The following RARB variants were observed in gnomAD, a reference collection of about 807,000 sequenced individuals.
RARB encodes the protein HBV-activated protein.
RARB carries 17 observed loss-of-function variants against 51.9 expected under a neutral mutation model. The ratio of observed to expected loss-of-function variants is 0.33; its 90% CI spans 0.22 to 0.49. RARB has a LOEUF of 0.49. RARB is among the 20% of genes least tolerant of loss of function. RARB has a pLI of 0.99. For missense variants in RARB, 369 were observed against 550.8 expected, an observed-to-expected ratio of 0.67 and a Z score of 3.30; for synonymous variants, 215 against 195.4, an observed-to-expected ratio of 1.10 and a Z score of -0.84.
At chr3:25,451,122 C>G (rs899087774) in intron 1 of RARB, among the ~76,000 whole-genome samples, 7 of 151,986 alleles carry the variant, frequency 4.6e-5, no homozygotes, top group Non-Finnish European at 8.8e-5. Context: ...AAAAACCCTG[C>G]CCTAGATTAA....
At chr3:25,546,829 C>A (rs1699638856) in intron 3 of RARB, among the ~76,000 whole-genome samples, 1 of 152,134 alleles carries the variant, frequency 6.6e-6, no homozygotes, top group Admixed American at 6.5e-5. Context: ...TCGGCATACA[C>A]ACACATATTT....
At chr3:25,212,206 G>C (rs1701715511) in intron 5 of RARB, among the ~76,000 whole-genome samples, 1 of 152,084 alleles carries the variant, frequency 6.6e-6, no homozygotes, top group African/African-American at 2.4e-5. Context: ...AAACTGAAAG[G>C]AAAATGAAAA....
intron 5 of RARB, among the ~76,000 whole-genome samples, chr3:25,228,475 C>T (rs1702106578): frequency 1.3e-5 from 2 of 151,820 alleles, no homozygotes; most frequent in African/African-American, 4.8e-5. Flanking sequence ...TGCCTTTTAT[C>T]TCTTTAATTA....
chr3:25,350,257 C>G (rs1260887478), intron 5 of RARB, among the ~76,000 whole-genome samples: 1 of 152,144 alleles, frequency 6.6e-6, no homozygotes, highest in African/African-American at 2.4e-5. Context: ...ACCAAAGCAA[C>G]CGCCTACTGA....
At chr3:25,292,591 T>C (rs907542575) in intron 5 of RARB, among the ~76,000 whole-genome samples, 2 of 152,210 alleles carry the variant, frequency 1.3e-5, no homozygotes, top group Non-Finnish European at 2.9e-5. Context: ...TCTATGTAGC[T>C]TCATATCCCT....
At chr3:25,595,194 A>G (rs748440446) in intron 7 of RARB, among the ~76,000 whole-genome samples, 7 of 152,232 alleles carry the variant, frequency 4.6e-5, no homozygotes, top group Non-Finnish European at 1.0e-4. Context: ...AACTCAAGCA[A>G]TTAATAGAGG....
chr3:25,141,773 C>A (rs1338596152), intron 4 of RARB, among the ~76,000 whole-genome samples: 1 of 152,104 alleles, frequency 6.6e-6, no homozygotes, highest in East Asian at 1.9e-4. Flanking sequence ...AAGTATAAAT[C>A]AGTTTGGTAA....
At chr3:24,977,947 A>C (rs567761015) in intron 2 of RARB, among the ~76,000 whole-genome samples, 33 of 152,282 alleles carry the variant, frequency 2.2e-4, no homozygotes, top group African/African-American at 7.9e-4. Context: ...TAGTTTATTG[A>C]GAATTTTTAG....
At chr3:24,979,727 A>T (rs1159968860) in intron 2 of RARB, among the ~76,000 whole-genome samples, 1 of 151,914 alleles carries the variant, frequency 6.6e-6, no homozygotes, top group East Asian at 1.9e-4. Context: ...CTCTTTATCC[A>T]GTTTGCCAGC....
intron 5 of RARB, among the ~76,000 whole-genome samples, chr3:25,353,219 A>G (rs1163484664): frequency 1.3e-5 from 2 of 152,146 alleles, no homozygotes; most frequent in Non-Finnish European, 2.9e-5. Context: ...AGTGGTGATT[A>G]AGTTGATGGC....
chr3:25,328,294 C>A (rs1005912694), intron 5 of RARB, among the ~76,000 whole-genome samples: 12 of 152,198 alleles, frequency 7.9e-5, no homozygotes, highest in Non-Finnish European at 1.5e-4. Flanking sequence ...CTGAGACGGG[C>A]GGATCACCTC....
chr3:25,096,043 G>C (rs1420719564), intron 3 of RARB, among the ~76,000 whole-genome samples: 4 of 152,124 alleles, frequency 2.6e-5, no homozygotes, highest in Non-Finnish European at 5.9e-5. Flanking sequence ...TGCTTAATTG[G>C]CATCATTTCC....
chr3:25,203,032 G>A (rs369931964), intron 5 of RARB, among the ~76,000 whole-genome samples: 8 of 152,068 alleles, frequency 5.3e-5, no homozygotes, highest in Middle Eastern at 3.2e-3. Flanking sequence ...GCTGACAGTG[G>A]GGTGTTAGTT....
At chr3:25,119,306 T>C (rs960750102) in intron 3 of RARB, among the ~76,000 whole-genome samples, 7 of 152,120 alleles carry the variant, frequency 4.6e-5, no homozygotes, top group Non-Finnish European at 7.4e-5. Flanking sequence ...GAATATGCTT[T>C]GAAATCAGAT....
chr3:25,303,712 T>G (rs931552731), intron 5 of RARB, among the ~76,000 whole-genome samples: 1 of 152,166 alleles, frequency 6.6e-6, no homozygotes, highest in Non-Finnish European at 1.5e-5. Context: ...TTTGTGAAAC[T>G]GGGGGACAAT....
intron 3 of RARB, among the ~76,000 whole-genome samples, chr3:25,536,372 A>AT (rs563744680): frequency 7.8e-4 from 119 of 151,744 alleles, no homozygotes; most frequent in African/African-American, 2.8e-3. Context: ...TAAAGTGTGC[A>AT]TGCCTCAGAA....
At chr3:25,506,188 G>A (rs1362248748) in intron 3 of RARB, among the ~76,000 whole-genome samples, 17 of 147,606 alleles carry the variant, frequency 1.2e-4, no homozygotes, top group Admixed American at 4.1e-4. Flanking sequence ...GGGAGGCGGA[G>A]GTTGCAATAA....
At chr3:25,260,578 A>G (rs1419176353) in intron 5 of RARB, among the ~76,000 whole-genome samples, 1 of 152,128 alleles carries the variant, frequency 6.6e-6, no homozygotes, top group African/African-American at 2.4e-5. Flanking sequence ...AATTGAGCCA[A>G]GTCTTATAAA....
At chr3:25,042,481 A>T (rs1698132354) in intron 2 of RARB, among the ~76,000 whole-genome samples, 1 of 152,190 alleles carries the variant, frequency 6.6e-6, no homozygotes, top group South Asian at 2.1e-4. Context: ...GTGTCTGCTC[A>T]TGACTTTCTC....
Sources: allele counts gnomAD v4.1 joint callset (sites outside exome capture counted in the v4.1 genomes callset), GRCh38; gene constraint gnomAD v4.1.1; transcripts MANE v1.5; gene names NCBI Gene and HGNC (gene_info 2026-07-23, HGNC 2026-07-21).